CNOT4: variants seen among roughly 807,000 people sequenced by gnomAD.
CNOT4 encodes the protein CCR4-NOT transcription complex subunit 4, also known as CCR4-associated factor 4.
In CNOT4, 8 loss-of-function variants were observed where a neutral mutation model predicts 73.8. The observed-to-expected ratio is 0.11, with a 90% confidence interval of 0.06 to 0.20. The LOEUF (loss-of-function observed/expected upper bound fraction) is 0.20, where lower values mean the gene tolerates loss of function less well. Among genes scored for constraint, CNOT4 ranks in the 10% least tolerant of loss-of-function variants. The pLI is 1.00. For synonymous variants in CNOT4, 293 were observed against 321.1 expected, an observed-to-expected ratio of 0.91 and a Z score of 0.94; for missense variants, 564 against 883.4, an observed-to-expected ratio of 0.64 and a Z score of 4.58.
At chr7:135,424,522 C>T (rs915151933) in intron 2 of CNOT4, among the ~76,000 whole-genome samples, 2 of 152,120 alleles carry the variant, frequency 1.3e-5, no homozygotes, top group Non-Finnish European at 1.5e-5. Context: ...CGGTGGCTCA[C>T]GCCTGTAATT....
intron 10 of CNOT4, among the ~76,000 whole-genome samples, chr7:135,371,045 T>C (rs573747449): frequency 2.6e-5 from 4 of 152,372 alleles, no homozygotes; most frequent in African/African-American, 9.6e-5. Context: ...TACCCATTTT[T>C]CTACTTCAGC....
chr7:135,370,205 G>T (rs1795119444), intron 10 of CNOT4, among the ~76,000 whole-genome samples: 1 of 152,056 alleles, frequency 6.6e-6, no homozygotes, highest in Non-Finnish European at 1.5e-5. Context: ...AGTAGAATTT[G>T]GATTAAGTGG....
intron 10 of CNOT4, among the ~76,000 whole-genome samples, chr7:135,377,212 C>G (rs1334478798): frequency 6.6e-6 from 1 of 152,152 alleles, no homozygotes; most frequent in Non-Finnish European, 1.5e-5. Context: ...ACACACATTA[C>G]TAAGTGGAAG....
intron 1 of CNOT4, among the ~76,000 whole-genome samples, chr7:135,439,787 A>G (rs564688921): frequency 9.2e-5 from 14 of 152,276 alleles, no homozygotes; most frequent in Non-Finnish European, 1.9e-4. Flanking sequence ...AAATCAGAAA[A>G]ATCTAGAAAC....
At chr7:135,378,258 C>G (rs1324645798) in intron 10 of CNOT4, among the ~76,000 whole-genome samples, 1 of 152,112 alleles carries the variant, frequency 6.6e-6, no homozygotes, top group Non-Finnish European at 1.5e-5. Flanking sequence ...AATCCCAGCA[C>G]TTTGGGAGGC....
chr7:135,436,057 T>C (rs1049266380), intron 2 of CNOT4, among the ~76,000 whole-genome samples: 67 of 152,206 alleles, frequency 4.4e-4, no homozygotes, highest in African/African-American at 1.5e-3. Context: ...GCTGATCTAA[T>C]GCTTCCTCCT....
chr7:135,379,117 C>G (rs1395947912), intron 10 of CNOT4, among the ~76,000 whole-genome samples: 1 of 151,878 alleles, frequency 6.6e-6, no homozygotes, highest in African/African-American at 2.4e-5. Context: ...TGGTAAATTA[C>G]ATGGAGAAAG....
intron 3 of CNOT4, 103 bp from the exon 4 acceptor site, chr7:135,415,365 T>C: frequency 1.7e-6 from 1 of 597,986 alleles, no homozygotes; most frequent in Non-Finnish European, 2.9e-6. Context: ...AGGAAAAAGA[T>C]AATTTTTAAA....
chr7:135,507,441 C>G (rs1804449120), intron 1 of CNOT4, among the ~76,000 whole-genome samples: 1 of 152,108 alleles, frequency 6.6e-6, no homozygotes, highest in Non-Finnish European at 1.5e-5. Flanking sequence ...TCCCTATTTC[C>G]TATCAAAATG....
At chr7:135,391,750 G>A (rs1796412915) in intron 10 of CNOT4, among the ~76,000 whole-genome samples, 1 of 151,990 alleles carries the variant, frequency 6.6e-6, no homozygotes, top group African/African-American at 2.4e-5. Flanking sequence ...ATAACTATTG[G>A]TTTGAAATAT....
chr7:135,405,054 G>A (rs964505892), intron 7 of CNOT4, among the ~76,000 whole-genome samples: 5 of 152,216 alleles, frequency 3.3e-5, no homozygotes, highest in African/African-American at 1.2e-4. Flanking sequence ...AGACTGAAGA[G>A]TGGGAGAATG....
Position 135,393,928 on chromosome 7 carries a change from G to T in CNOT4, c.1617C>A (p.Ile539=). The change falls in exon 10 of 12, where the codon ATC becomes ATA. Residue 539 remains isoleucine, a synonymous_variant. Transcript: ENST00000541284. Reference sequence around the variant, plus strand: ...TTTAAATGAACCTACCTGCTACAGGGATCCCTCCCAGACCTGTGTTGTGCT... The same window carrying T: ...TTTAAATGAACCTACCTGCTACAGGTATCCCTCCCAGACCTGTGTTGTGCT... The part of the protein sequence containing the change: ...PPQHNTGLGG[I]PVADNSSSVE... The T allele has an allele frequency of 6.2e-7, 1 of 1,603,830 alleles. No homozygotes were observed. The highest frequency in any genetic ancestry group is 8.5e-7 in the Non-Finnish European group (1 of 1,174,074).
chr7:135,499,192 G>A (rs762884197), intron 1 of CNOT4, among the ~76,000 whole-genome samples: 1 of 152,092 alleles, frequency 6.6e-6, no homozygotes, highest in Non-Finnish European at 1.5e-5. Context: ...GTTTTGAGAC[G>A]GAGAGATTAA....
At chr7:135,505,512 G>C (rs961222276) in intron 1 of CNOT4, among the ~76,000 whole-genome samples, 8 of 152,096 alleles carry the variant, frequency 5.3e-5, no homozygotes, top group African/African-American at 1.9e-4. Context: ...AGATCGTGCA[G>C]CTACACTCCA....
At chr7:135,410,753 A>G (rs1252145802) in intron 6 of CNOT4, 105 bp from the exon 7 acceptor site, 1 of 653,288 alleles carries the variant, frequency 1.5e-6, no homozygotes, top group Non-Finnish European at 2.0e-6. Flanking sequence ...TAAAATAAAT[A>G]ATATTTTTAA....
chr7:135,387,405 A>C (rs1796175055), intron 10 of CNOT4: 1 of 982,954 alleles, frequency 1.0e-6, no homozygotes, highest in Admixed American at 6.2e-5. Context: ...CATTATATCT[A>C]ACAGAAAATA....
intron 2 of CNOT4, among the ~76,000 whole-genome samples, chr7:135,428,515 G>C (rs573274996): frequency 6.6e-6 from 1 of 151,790 alleles, no homozygotes; most frequent in South Asian, 2.1e-4. Context: ...ATAACAGCAA[G>C]AGAAAAAAAA....
Position 135,394,245 on chromosome 7 carries a change from T to C in CNOT4, c.1300A>G (p.Thr434Ala), listed in dbSNP as rs1165851275. 6.2e-7 allele frequency: 1 copy of C among 1,614,046 alleles called. No individual in the cohort carries two copies. The highest frequency in any genetic ancestry group is 1.3e-5 in the African/African-American group (1 of 74,924). Residue 434 changes from threonine to alanine, a missense_variant, in exon 10 of 12, where the codon ACA becomes GCA. Around this residue, in one of 10 missense-constraint regions of CNOT4, gnomAD observed 153 missense variants for 158.7 expected, o/e 0.96. Coordinates refer to ENST00000541284, the MANE Select transcript of CNOT4 (RefSeq NM_001190850.2). ...TGTGAAGAGGAGTTCTGAAGAGATG[T>C]GGGCGAAAGGGAAGGTTGGTCTTGA... ...SVQDQPSLSPTSLQNSSSHTT... is the reference protein window; with the variant it reads ...SVQDQPSLSPASLQNSSSHTT...
chr7:135,398,949 A>G (rs1485469838), intron 7 of CNOT4, among the ~76,000 whole-genome samples: 1 of 152,110 alleles, frequency 6.6e-6, no homozygotes, highest in Non-Finnish European at 1.5e-5. Context: ...GGCATGAGAA[A>G]TGAGACAAAA....
Sources: allele counts gnomAD v4.1 joint callset (sites outside exome capture counted in the v4.1 genomes callset), GRCh38; gene constraint gnomAD v4.1.1; regional missense constraint gnomAD v4.1.1; transcripts MANE v1.5; gene names NCBI Gene and HGNC (gene_info 2026-07-23, HGNC 2026-07-21).